Variants in PRH1 observed in about 807,000 individuals in gnomAD.
PRH1 encodes salivary acidic proline-rich phosphoprotein 1/2.
In PRH1, 7 loss-of-function variants were observed where a neutral mutation model predicts 7.9. The observed-to-expected ratio is 0.89, with a 90% confidence interval of 0.50 to 1.67. The LOEUF (loss-of-function observed/expected upper bound fraction) is 1.67, where lower values mean the gene tolerates loss of function less well. PRH1 is among the 40% of genes most tolerant of loss of function. The pLI, the probability that PRH1 is intolerant of heterozygous loss-of-function variation, is 0.00. For missense variants in PRH1, 109 were observed against 223.6 expected, an observed-to-expected ratio of 0.49 and a Z score of 3.27; for synonymous variants, 45 against 80.8, an observed-to-expected ratio of 0.56 and a Z score of 2.38.
intron 2 of PRH1, among the ~76,000 whole-genome samples, chr12:10,972,029 A>T (rs542278826): frequency 7.0e-4 from 106 of 152,324 alleles, no homozygotes; most frequent in Non-Finnish European, 1.3e-3. Context: ...GTCAAACATT[A>T]TGTCAGATCA....
In PRH1 at chr12:10,923,669, G is replaced by A. The variant is rs1950083724; in HGVS notation, c.-58-39394C>T. On this transcript the variant is annotated intron_variant, in intron 2 of 3. Coordinates refer to the PRH1 transcript ENST00000539853. ...TAGTGTGATTCTATCACCAACAAAT[G>A]ATAGGATAATAGACATTAGGCATAA... Among the ~76,000 whole-genome samples, 3 of 152,204 alleles carry A rather than the reference G, an allele frequency of 2.0e-5. No individual in the cohort carries two copies. In the South Asian group the frequency reaches 6.2e-4, roughly 32 times the overall value.
intron 1 of PRH1, among the ~76,000 whole-genome samples, chr12:11,053,267 C>T (rs1287096122): frequency 6.6e-6 from 1 of 152,048 alleles, no homozygotes; most frequent in Non-Finnish European, 1.5e-5. Context: ...GTGCTCTGTG[C>T]CTTTGAATTA....
chr12:10,970,731 A>AT (rs560018868), intron 2 of PRH1, among the ~76,000 whole-genome samples: 151 of 151,876 alleles, frequency 9.9e-4, no homozygotes, highest in African/African-American at 3.4e-3. Context: ...CAATCAGCTA[A>AT]TTTTTTGTAT....
chr12:10,894,097 G>A (rs1249394241), intron 2 of PRH1, among the ~76,000 whole-genome samples: 9 of 151,352 alleles, frequency 5.9e-5, no homozygotes, highest in Non-Finnish European at 7.4e-5. Context: ...TGTTACTATC[G>A]TCTTGGTCTT....
At chr12:11,050,627 T>G (rs1414430562), upstream of PRH1, among the ~76,000 whole-genome samples, 1 of 152,408 alleles carries the variant, frequency 6.6e-6, no homozygotes, top group East Asian at 1.9e-4. Context: ...GTTTTTTGTT[T>G]AAATATTAAT....
chr12:10,935,866 TG>T (rs1388230947), intron 2 of PRH1, among the ~76,000 whole-genome samples: 2 of 152,090 alleles, frequency 1.3e-5, no homozygotes, highest in African/African-American at 4.8e-5. Flanking sequence ...CAGGCAAAAA[TG>T]GGAAATTTTA....
chr12:10,969,161 T>G (rs1393347972), intron 2 of PRH1, among the ~76,000 whole-genome samples: 1 of 152,178 alleles, frequency 6.6e-6, no homozygotes, highest in African/African-American at 2.4e-5. Flanking sequence ...TCCCCTGAAG[T>G]CCGGCTGTCT....
intron 1 of PRH1, among the ~76,000 whole-genome samples, chr12:11,110,375 C>G (rs955418592): frequency 6.6e-6 from 1 of 152,056 alleles, no homozygotes; most frequent in Admixed American, 6.6e-5. Context: ...GTCAGATTCA[C>G]CAAGGTTGAA....
chr12:10,966,699 T>C (rs1401244067), intron 2 of PRH1, among the ~76,000 whole-genome samples: 1 of 149,876 alleles, frequency 6.7e-6, no homozygotes, highest in African/African-American at 2.5e-5. Context: ...AAAACCTAAC[T>C]GATATAGGTA....
chr12:10,971,951 A>G (rs1022647850), intron 2 of PRH1, among the ~76,000 whole-genome samples: 9 of 152,056 alleles, frequency 5.9e-5, no homozygotes, highest in Non-Finnish European at 8.8e-5. Context: ...TTTTCTAATC[A>G]TTTTTCATGA....
chr12:11,107,798 T>A (rs1945467170), intron 1 of PRH1, among the ~76,000 whole-genome samples: 1 of 152,240 alleles, frequency 6.6e-6, no homozygotes, highest in South Asian at 2.1e-4. Context: ...TAGGAATTAA[T>A]GGTTTTTCTC....
intron 2 of PRH1, among the ~76,000 whole-genome samples, chr12:10,940,792 T>C (rs1950386961): frequency 6.6e-6 from 1 of 151,840 alleles, no homozygotes; most frequent in South Asian, 2.1e-4. Context: ...CCAAACAAAG[T>C]AGAAAAATAT....
intron 1 of PRH1, among the ~76,000 whole-genome samples, chr12:11,024,921 G>C (rs1040880999): frequency 6.6e-6 from 1 of 151,830 alleles, no homozygotes; most frequent in Non-Finnish European, 1.5e-5. Context: ...ATTGCTATTT[G>C]CATATATCTT....
Position 10,930,161 on chromosome 12 carries a change from A to G in PRH1, c.-59+43494T>C, listed in dbSNP as rs1950182664. 2.3e-6 allele frequency: 3 copies of G among 1,304,762 alleles called. No individual in the cohort carries two copies. The African/African-American group carries it at 4.4e-5, about 19-fold the overall frequency. 80.8% of individuals were successfully genotyped at this position (1,304,762 alleles called of 1,614,324 possible). ...TCAGAGAGTGGCTGATGAGATCTCA[A>G]AGGGGATGCACAGGGTGTGATCAGA... is the stretch of plus-strand genomic sequence containing the variant. On this transcript the variant is annotated intron_variant, in intron 2 of 3. Coordinates refer to the PRH1 transcript ENST00000539853.
chr12:11,165,476 T>A (rs1298979329), intron 1 of PRH1, among the ~76,000 whole-genome samples: 5 of 152,222 alleles, frequency 3.3e-5, no homozygotes, highest in Admixed American at 6.5e-5. Flanking sequence ...GAGCTTCTTA[T>A]ATAGTTTCTA....
chr12:10,997,996 T>C (rs1410876604), intron 1 of PRH1: 9 of 639,874 alleles, frequency 1.4e-5, no homozygotes, highest in African/African-American at 1.3e-4. Context: ...ACATTCTTTA[T>C]ACTTTTAAAT....
intron 2 of PRH1, among the ~76,000 whole-genome samples, chr12:10,912,615 T>C (rs1305130697): frequency 6.6e-6 from 1 of 152,062 alleles, no homozygotes; most frequent in South Asian, 2.1e-4. Context: ...GTTGAGTATG[T>C]TTGCTGTTAT....
chr12:10,938,637 A>C, intron 2 of PRH1: 1 of 1,613,988 alleles, frequency 6.2e-7, no homozygotes, highest in Non-Finnish European at 8.5e-7. Flanking sequence ...GACAAAGTAA[A>C]GGGTATGAAA....
chr12:10,921,812 G>A (rs1006479197), intron 2 of PRH1, among the ~76,000 whole-genome samples: 4 of 152,122 alleles, frequency 2.6e-5, no homozygotes, highest in Admixed American at 6.6e-5. Flanking sequence ...GTCACCCGGG[G>A]CTGGAGTGCA....
Sources: gnomAD v4.1 joint callset for allele counts (sites outside exome capture counted in the v4.1 genomes callset) on GRCh38, gnomAD v4.1.1 for gene constraint, MANE v1.5 for transcripts, NCBI Gene and HGNC (gene_info 2026-07-23, HGNC 2026-07-21) for gene names.